EYA2: variants seen among roughly 807,000 people sequenced by gnomAD.
EYA2 encodes the protein EYA transcriptional coactivator and phosphatase 2.
Under a neutral mutation model 69.2 loss-of-function variants are expected in EYA2, and 31 were observed. That is an observed-to-expected ratio of 0.45 (90% CI 0.34 to 0.60). The LOEUF is 0.60. EYA2 is among the 20% of genes least tolerant of loss of function. The pLI, the probability that EYA2 is intolerant of heterozygous loss-of-function variation, is 0.02. For synonymous variants in EYA2, 257 were observed against 279.4 expected, an observed-to-expected ratio of 0.92 and a Z score of 0.80; for missense variants, 622 against 701.2, an observed-to-expected ratio of 0.89 and a Z score of 1.28.
At position 47,064,086 on chromosome 20, in the gene EYA2, G is replaced by A. The variant is rs2031015004; in HGVS notation, c.416-8099G>A. On this transcript the variant is annotated intron_variant, in intron 5 of 15. Coordinates refer to ENST00000327619, the MANE Select transcript of EYA2 (RefSeq NM_005244.5). ...TATTCCTACCACAGCCTCCAGAAGA[G>A]CTGGGACTACAAGCATGCATCACCA... is the stretch of plus-strand genomic sequence containing the variant. Among the ~76,000 whole-genome samples the A allele has an allele frequency of 1.3e-5, 2 of 152,192 alleles. 1 individual carries two copies. The highest frequency in any genetic ancestry group is 4.1e-4 in the South Asian group (2 of 4,832).
At chr20:47,103,961 G>A (rs2032503490) in intron 9 of EYA2, among the ~76,000 whole-genome samples, 3 of 152,238 alleles carry the variant, frequency 2.0e-5, no homozygotes, top group Non-Finnish European at 1.5e-5. Context: ...ATGCCTAGGA[G>A]TAGAATTGCT....
At chr20:46,915,608 C>G (rs1047444601) in intron 1 of EYA2, among the ~76,000 whole-genome samples, 1 of 152,186 alleles carries the variant, frequency 6.6e-6, no homozygotes, top group African/African-American at 2.4e-5. Context: ...CTGCAGCCAC[C>G]TCTACCCTAC....
At chr20:46,985,526 A>G (rs527801714) in intron 1 of EYA2, among the ~76,000 whole-genome samples, 1 of 152,378 alleles carries the variant, frequency 6.6e-6, no homozygotes, top group South Asian at 2.1e-4. Context: ...GACTGAGGCC[A>G]GAAGTGTCAC....
chr20:46,961,070 C>T (rs896637319), intron 1 of EYA2, among the ~76,000 whole-genome samples: 1 of 152,238 alleles, frequency 6.6e-6, no homozygotes, highest in Non-Finnish European at 1.5e-5. Flanking sequence ...CACAGTGGCT[C>T]ATGCCTGTAA....
At chr20:47,110,938 G>C (rs1461646229) in intron 9 of EYA2, among the ~76,000 whole-genome samples, 1 of 152,216 alleles carries the variant, frequency 6.6e-6, no homozygotes, top group Non-Finnish European at 1.5e-5. Context: ...CTCAGCAAAG[G>C]CTTCACAATT....
At chr20:46,922,670 G>A (rs1376198696) in intron 1 of EYA2, among the ~76,000 whole-genome samples, 1 of 152,154 alleles carries the variant, frequency 6.6e-6, no homozygotes, top group East Asian at 1.9e-4. Flanking sequence ...GGAGAGCTGG[G>A]TAAGAAACAC....
chr20:47,152,265 A>G (rs1156735679), intron 10 of EYA2, among the ~76,000 whole-genome samples: 1 of 151,836 alleles, frequency 6.6e-6, no homozygotes, highest in Non-Finnish European at 1.5e-5. Context: ...CTAGTCTGGC[A>G]TGTTTGCCCT....
At chr20:47,128,832 T>TA (rs1189127001) in intron 9 of EYA2, among the ~76,000 whole-genome samples, 2 of 152,094 alleles carry the variant, frequency 1.3e-5, no homozygotes, top group East Asian at 1.9e-4. Context: ...TCATTTAAAA[T>TA]AAAAAAATGG....
Position 46,909,061 on chromosome 20 carries a change from C to T in EYA2, c.-11+14074C>T, listed in dbSNP as rs1318043779. On this transcript the variant is annotated intron_variant, in intron 1 of 15. Transcript: ENST00000327619. ...GTCTTTCTCAGGAGTTTTTCCTGAT[C>T]TCCGCTCATCATGGGGAAAGGCAAG... Among the ~76,000 whole-genome samples, 3 of 151,792 alleles carry T rather than the reference C, an allele frequency of 2.0e-5. No individual in the cohort carries two copies. In the East Asian group the frequency reaches 5.8e-4, roughly 29 times the overall value.
At chr20:46,991,923 G>GTACCAT (rs1374494795) in intron 2 of EYA2, among the ~76,000 whole-genome samples, 1 of 130,598 alleles carries the variant, frequency 7.7e-6, no homozygotes, top group Non-Finnish European at 1.6e-5. Context: ...AGCCGAGATC[G>GTACCAT]TACCATTGCA....
intron 1 of EYA2, among the ~76,000 whole-genome samples, chr20:46,972,777 A>G (rs1980218042): frequency 6.6e-6 from 1 of 151,868 alleles, no homozygotes; most frequent in Non-Finnish European, 1.5e-5. Flanking sequence ...CTTAGTCACC[A>G]CTGTACCAGG....
At chr20:47,117,910 C>A (rs1251802121) in intron 9 of EYA2, among the ~76,000 whole-genome samples, 1 of 152,152 alleles carries the variant, frequency 6.6e-6, no homozygotes, top group Non-Finnish European at 1.5e-5. Flanking sequence ...TATTTTATTT[C>A]TTTAACGAGA....
At position 46,959,882 on chromosome 20, in the gene EYA2, A is replaced by G. The variant is rs993484267; in HGVS notation, c.-10-30119A>G. Among the ~76,000 whole-genome samples the G allele has an allele frequency of 3.9e-5, 6 of 152,166 alleles. No homozygotes were observed. In the East Asian group the frequency reaches 9.6e-4, roughly 24 times the overall value. On this transcript the variant is annotated intron_variant, in intron 1 of 15. Transcript: ENST00000327619. ...CATCTTTTCTCTCTGAAACTCTCCA[A>G]GTAGCCACTGAAGTCAGCAGGAACT...
At chr20:47,176,802 T>G (rs930883200) in intron 12 of EYA2, among the ~76,000 whole-genome samples, 2 of 152,036 alleles carry the variant, frequency 1.3e-5, no homozygotes, top group Non-Finnish European at 2.9e-5. Context: ...CTTTCTTTTT[T>G]TTTTTTTGAG....
chr20:46,919,299 G>A (rs1985073401), intron 1 of EYA2, among the ~76,000 whole-genome samples: 1 of 152,230 alleles, frequency 6.6e-6, no homozygotes. Context: ...CTCTAGCTAT[G>A]AAAGCCCTAG....
intron 5 of EYA2, among the ~76,000 whole-genome samples, chr20:47,057,135 GAGGGAGGA>G (rs1258276830): frequency 1.2e-4 from 14 of 113,404 alleles, no homozygotes; most frequent in Admixed American, 1.0e-3. Context: ...AGACAGGAAG[GAGGGAGGA>G]AGGAAGGAAG....
chr20:47,066,398 C>T (rs1376582118), intron 5 of EYA2, among the ~76,000 whole-genome samples: 2 of 152,078 alleles, frequency 1.3e-5, no homozygotes, highest in Non-Finnish European at 2.9e-5. Flanking sequence ...CCAAGAAAAC[C>T]AATCAACCAA....
At position 47,043,607 on chromosome 20, in the gene EYA2, G is replaced by A. The variant is rs111850055; in HGVS notation, c.415+27310G>A. On this transcript the variant is annotated intron_variant, in intron 5 of 15. Transcript: ENST00000327619. Reference sequence around the variant, plus strand: ...CTTTTTCCTGTCACTTTCTAGCTGGGTAGCCTTGGACAAGTTTCTTAACCT... The same window carrying A: ...CTTTTTCCTGTCACTTTCTAGCTGGATAGCCTTGGACAAGTTTCTTAACCT... Among the ~76,000 whole-genome samples the A allele has an allele frequency of 3.5e-3, 529 of 152,320 alleles. 3 individuals are homozygous for A. Among genetic ancestry groups the A allele is most frequent in the African/African-American group, 0.012 (507 of 41,562 alleles).
At chr20:47,046,877 T>C (rs1294749246) in intron 5 of EYA2, among the ~76,000 whole-genome samples, 1 of 152,220 alleles carries the variant, frequency 6.6e-6, no homozygotes, top group Non-Finnish European at 1.5e-5. Context: ...CAACTCTTAC[T>C]GCAGACAGCT....
Sources: allele counts gnomAD v4.1 joint callset (sites outside exome capture counted in the v4.1 genomes callset), GRCh38; gene constraint gnomAD v4.1.1; transcripts MANE v1.5; gene names NCBI Gene and HGNC (gene_info 2026-07-23, HGNC 2026-07-21).